The following PTPRM variants were observed in gnomAD, a reference collection of about 807,000 sequenced individuals.
The protein encoded by PTPRM is protein tyrosine phosphatase receptor type M.
A neutral mutation model predicts 186.7 loss-of-function variants in PTPRM; 47 were observed. The observed-to-expected ratio is 0.25, with a 90% confidence interval of 0.20 to 0.32. PTPRM has a LOEUF of 0.32. PTPRM is among the 10% of genes least tolerant of loss of function. The probability of loss-of-function intolerance (pLI) is 1.00; values close to 1 mark genes in which losing one functional copy is unlikely to be tolerated. For synonymous variants in PTPRM, 668 were observed against 674.9 expected, an observed-to-expected ratio of 0.99 and a Z score of 0.16; for missense variants, 1,494 against 1,865.0, an observed-to-expected ratio of 0.80 and a Z score of 3.66.
rs189838996 is a variant in PTPRM, at chr18:8,372,371, G to C, written c.3171+1365G>C. Among the ~76,000 whole-genome samples the C allele has an allele frequency of 4.6e-3, 660 of 144,844 alleles. 38 individuals are homozygous for C. The highest frequency in any genetic ancestry group is 0.017 in the African/African-American group (629 of 37,626). On this transcript the variant is annotated intron_variant, in intron 24 of 32. Transcript: ENST00000580170. ...TTACAGGCGTGAGCCACCGCGCCCG[G>C]CCTCCACTCTATATTCTCACTGCAT...
chr18:8,177,077 G>C (rs577140248), intron 14 of PTPRM, among the ~76,000 whole-genome samples: 3 of 152,202 alleles, frequency 2.0e-5, no homozygotes, highest in Admixed American at 6.5e-5. Context: ...GCCTTTCTGA[G>C]GGGATGTGTT....
intron 14 of PTPRM, among the ~76,000 whole-genome samples, chr18:8,240,477 G>GGGA (rs1351566697): frequency 0.024 from 1,263 of 52,084 alleles, 120 homozygotes; most frequent in African/African-American, 0.068. Context: ...GAGGGAGGGA[G>GGGA]GGGAGGAGAG....
intron 1 of PTPRM, among the ~76,000 whole-genome samples, chr18:7,626,235 A>G (rs1027642150): frequency 6.6e-6 from 1 of 152,226 alleles, no homozygotes; most frequent in Non-Finnish European, 1.5e-5. Context: ...CCATCCAATC[A>G]GGTAATATGA....
At chr18:7,720,368 G>GA (rs2040423823) in intron 1 of PTPRM, among the ~76,000 whole-genome samples, 1 of 151,642 alleles carries the variant, frequency 6.6e-6, no homozygotes, top group Non-Finnish European at 1.5e-5. Flanking sequence ...GGTCATCAGA[G>GA]AAAAAAAATC....
At chr18:7,750,506 C>T (rs1242937472) in intron 1 of PTPRM, among the ~76,000 whole-genome samples, 1 of 152,144 alleles carries the variant, frequency 6.6e-6, no homozygotes, top group African/African-American at 2.4e-5. Flanking sequence ...TCAGTCTTTA[C>T]TCAGCTGTTC....
intron 14 of PTPRM, among the ~76,000 whole-genome samples, chr18:8,226,937 G>A (rs1425774104): frequency 1.3e-5 from 2 of 152,148 alleles, no homozygotes; most frequent in African/African-American, 4.8e-5. Context: ...AGGGTGGGTT[G>A]AGTGCTCCTC....
At chr18:8,299,798 G>A (rs559108111) in intron 20 of PTPRM, among the ~76,000 whole-genome samples, 1 of 152,302 alleles carries the variant, frequency 6.6e-6, no homozygotes, top group African/African-American at 2.4e-5. Context: ...AAACAGATGG[G>A]TCTGACTATG....
intron 32 of PTPRM, among the ~76,000 whole-genome samples, chr18:8,399,312 T>G (rs1419963785): frequency 6.6e-6 from 1 of 152,186 alleles, no homozygotes; most frequent in Non-Finnish European, 1.5e-5. Context: ...TCCTGATGTT[T>G]GGAAAGCTGC....
At chr18:7,806,564 A>C (rs749789883) in intron 2 of PTPRM, among the ~76,000 whole-genome samples, 42 of 152,220 alleles carry the variant, frequency 2.8e-4, no homozygotes, top group Admixed American at 9.2e-4. Flanking sequence ...TTTATGAGCA[A>C]AAAGGGCATC....
rs533930890 is a variant in PTPRM, at chr18:7,966,935, G to A, written c.1132+11521G>A. Among the ~76,000 whole-genome samples the A allele has an allele frequency of 1.4e-4, 18 of 124,318 alleles. 2 individuals carry two copies. In the East Asian group the frequency reaches 2.3e-3, roughly 16 times the overall value. 81.6% of individuals were successfully genotyped at this position (124,318 alleles called of 152,430 possible). On this transcript the variant is annotated intron_variant, in intron 7 of 32. Coordinates refer to ENST00000580170, the MANE Select transcript of PTPRM (RefSeq NM_001105244.2). ...GGTAAACAAAGCAGCCTGGAAGCTC[G>A]AACTGGGTGGAGCCCACCACAGCTC...
Position 8,376,028 on chromosome 18 carries a change from G to A in PTPRM, c.3172-18G>A. On this transcript the variant is annotated intron_variant, in intron 24 of 32. Transcript: ENST00000580170. ...TTCCCTTGTTCTCTTCCTTGTTCTG[G>A]CTAACCAACTACTGCAGAGAGGTGT... 3.1e-6 allele frequency: 5 copies of A among 1,596,446 alleles called. No homozygotes were observed. Among genetic ancestry groups the A allele is most frequent in the Non-Finnish European group, 4.3e-6 (5 of 1,165,636 alleles).
chr18:7,724,144 G>A (rs913733468), intron 1 of PTPRM, among the ~76,000 whole-genome samples: 6 of 151,862 alleles, frequency 4.0e-5, no homozygotes, highest in East Asian at 1.9e-4. Flanking sequence ...GTCAGGTGTC[G>A]TGTCTTGCAT....
At chr18:7,907,941 T>A (rs2050076516) in intron 4 of PTPRM, among the ~76,000 whole-genome samples, 1 of 152,110 alleles carries the variant, frequency 6.6e-6, no homozygotes, top group African/African-American at 2.4e-5. Flanking sequence ...TCCATGGTAT[T>A]CTATCATATG....
chr18:7,931,319 G>T (rs2051470418), intron 5 of PTPRM, among the ~76,000 whole-genome samples: 1 of 150,516 alleles, frequency 6.6e-6, no homozygotes, highest in Admixed American at 6.6e-5. Context: ...CATATACTGT[G>T]TGTATGTGTG....
In PTPRM at chr18:8,024,430, A is replaced by G. The variant is rs559641892; in HGVS notation, c.1133-45256A>G. Among the ~76,000 whole-genome samples the G allele has an allele frequency of 1.2e-4, 18 of 152,278 alleles. 1 individual carries two copies. In the South Asian group the frequency reaches 3.7e-3, roughly 32 times the overall value. On this transcript the variant is annotated intron_variant, in intron 7 of 32. Transcript: ENST00000580170. Reference sequence around the variant, plus strand: ...TCAAAGAGAACTGTGAATTGAGAATATAGTGGCAGTTTCATGGCTTGTTGG... The same window carrying G: ...TCAAAGAGAACTGTGAATTGAGAATGTAGTGGCAGTTTCATGGCTTGTTGG...
intron 1 of PTPRM, among the ~76,000 whole-genome samples, chr18:7,683,007 C>T (rs1197467298): frequency 6.6e-6 from 1 of 152,012 alleles, no homozygotes; most frequent in Non-Finnish European, 1.5e-5. Context: ...TTGCTTTTTA[C>T]CTGCTGCTGT....
chr18:7,743,909 T>C (rs1284557193), intron 1 of PTPRM, among the ~76,000 whole-genome samples: 1 of 152,178 alleles, frequency 6.6e-6, no homozygotes, highest in Non-Finnish European at 1.5e-5. Flanking sequence ...CTAAGAGGCT[T>C]CATGAGTATC....
chr18:7,580,978 C>T (rs1186594058), intron 1 of PTPRM, among the ~76,000 whole-genome samples: 1 of 152,138 alleles, frequency 6.6e-6, no homozygotes, highest in Non-Finnish European at 1.5e-5. Flanking sequence ...CTTTCCGGTT[C>T]AGGGAAAGGT....
intron 7 of PTPRM, among the ~76,000 whole-genome samples, chr18:8,045,206 G>T (rs1223648783): frequency 6.6e-6 from 1 of 152,106 alleles, no homozygotes; most frequent in African/African-American, 2.4e-5. Flanking sequence ...AAATTAGCTG[G>T]ACGTGATGGC....
Sources: allele counts gnomAD v4.1 joint callset (sites outside exome capture counted in the v4.1 genomes callset), GRCh38; gene constraint gnomAD v4.1.1; transcripts MANE v1.5; gene names NCBI Gene and HGNC (gene_info 2026-07-23, HGNC 2026-07-21).